SCN1A: variants seen among roughly 807,000 people sequenced by gnomAD.
The protein encoded by SCN1A is sodium voltage-gated channel alpha subunit 1, also known as sodium channel protein type 1 subunit alpha.
In SCN1A, 13 loss-of-function variants were observed where a neutral mutation model predicts 193.7. That is an observed-to-expected ratio of 0.07 (90% CI 0.04 to 0.11). The LOEUF is 0.11. Ranked by LOEUF, SCN1A falls within the 10% of genes least tolerant of loss-of-function variation. SCN1A has a pLI of 1.00. For missense variants in SCN1A, 1,432 were observed against 2,451.1 expected (o/e 0.58, Z 8.78); for synonymous variants, 781 against 843.6 (o/e 0.93, Z 1.29).
intron 19 of SCN1A, among the ~76,000 whole-genome samples, chr2:166,021,959 A>G (rs1177647701): frequency 2.0e-5 from 3 of 152,154 alleles, no homozygotes; most frequent in African/African-American, 7.2e-5. Flanking sequence ...AAAGATTGGA[A>G]AACTCCCTAT....
chr2:166,020,305 C>G (rs1292038986), intron 19 of SCN1A, among the ~76,000 whole-genome samples: 1 of 152,164 alleles, frequency 6.6e-6, no homozygotes, highest in Non-Finnish European at 1.5e-5. Flanking sequence ...ATTTAAACCC[C>G]TTTCAACACT....
chr2:165,995,451 G>A (rs1689897596), intron 27 of SCN1A, among the ~76,000 whole-genome samples: 1 of 151,692 alleles, frequency 6.6e-6, no homozygotes, highest in African/African-American at 2.4e-5. Context: ...ATCATAAACT[G>A]TAATTACTGA....
intron 2 of SCN1A, among the ~76,000 whole-genome samples, chr2:166,108,539 C>A (rs1234890810): frequency 6.6e-6 from 1 of 151,848 alleles, no homozygotes; most frequent in Non-Finnish European, 1.5e-5. Context: ...AACAATAGCC[C>A]AAAAGTGGAA....
intron 1 of SCN1A, among the ~76,000 whole-genome samples, chr2:166,139,408 C>T (rs564855398): frequency 9.2e-5 from 14 of 152,218 alleles, no homozygotes; most frequent in Admixed American, 1.3e-4. Context: ...GTGCTGTTCT[C>T]ATGATAGTGA....
rs575368466 is a variant in SCN1A, at chr2:165,994,211, C to T, written c.4787G>A (p.Arg1596His). Residue 1596 changes from arginine to histidine, a missense_variant, in exon 28 of 29, where the codon CGC becomes CAC. Around this residue, in one of 18 missense-constraint regions of SCN1A, gnomAD observed 85 missense variants for 213.2 expected, o/e 0.40. Coordinates refer to ENST00000674923, the MANE Select transcript of SCN1A (RefSeq NM_001165963.4). Reference protein sequence around the residue: ...GECVLKLISLRHYYFTIGWNI... With the variant: ...GECVLKLISLHHYYFTIGWNI... ...CCATCCAATGGTAAAATAATAATGGCGTAGAGAGATGAGTTTCAGTACACA... is the reference window on the plus strand; with the variant it reads ...CCATCCAATGGTAAAATAATAATGGTGTAGAGAGATGAGTTTCAGTACACA... The T allele has an allele frequency of 6.2e-7, 1 of 1,612,440 alleles. No homozygotes were observed. The highest frequency in any genetic ancestry group is 1.3e-5 in the African/African-American group (1 of 74,916).
chr2:166,087,165 G>GAA (rs535216262), intron 2 of SCN1A, among the ~76,000 whole-genome samples: 6 of 124,690 alleles, frequency 4.8e-5, no homozygotes, highest in Non-Finnish European at 5.1e-5. Context: ...AGAACTGGTT[G>GAA]AAAAAAAAAA....
intron 2 of SCN1A, among the ~76,000 whole-genome samples, chr2:166,112,291 G>A (rs1689377298): frequency 6.6e-6 from 1 of 152,128 alleles, no homozygotes. Context: ...ACATCAAAGC[G>A]AGACTCTCCA....
chr2:166,037,894 A>G lies in SCN1A; in HGVS notation c.2828T>C (p.Ile943Thr). ...CTCCCCACACAGCACGCGGAACACAATCAGGAAGGAGTGGAAGAAGTCATT... is the reference window on the plus strand; with the variant it reads ...CTCCCCACACAGCACGCGGAACACAGTCAGGAAGGAGTGGAAGAAGTCATT... Reference protein sequence around the residue: ...HMNDFFHSFLIVFRVLCGEWI... With the variant: ...HMNDFFHSFLTVFRVLCGEWI... The change falls in exon 18 of 29, where the codon ATT (isoleucine) becomes ACT (threonine). Residue 943 changes from isoleucine (I) to threonine (T), a missense_variant. Physicochemically the swap from Ile to Thr is moderately conservative, Grantham distance 89 (BLOSUM62 -1). Transcript: ENST00000674923. The G allele has an allele frequency of 6.2e-7, 1 of 1,614,156 alleles. No homozygotes were observed. The highest frequency in any genetic ancestry group is 8.5e-7 in the Non-Finnish European group (1 of 1,180,018).
At chr2:166,110,956 A>T (rs146591049) in intron 2 of SCN1A, among the ~76,000 whole-genome samples, 9 of 152,212 alleles carry the variant, frequency 5.9e-5, no homozygotes, top group Middle Eastern at 3.4e-3. Flanking sequence ...CTCCTCCTTC[A>T]TCTTCCACCA....
At chr2:166,074,307 T>C (rs1302831599) in intron 3 of SCN1A, among the ~76,000 whole-genome samples, 2 of 152,138 alleles carry the variant, frequency 1.3e-5, no homozygotes, top group African/African-American at 4.8e-5. Context: ...TGGACAAATG[T>C]CATTTATGTG....
intron 1 of SCN1A, 48 bp downstream of exon 1, chr2:166,127,723 C>T (rs1401268290): frequency 6.6e-6 from 1 of 152,090 alleles, no homozygotes; most frequent in Non-Finnish European, 1.5e-5. Flanking sequence ...AAAGGAATAA[C>T]TGGAATGAAT....
rs530521574 is a variant in SCN1A at position 166,015,807 on chromosome 2, G to T, written c.3430-80C>A. 55 of 1,515,534 alleles carry T rather than the reference G, an allele frequency of 3.6e-5. No individual in the cohort carries two copies. The African/African-American group carries it at 6.6e-4, about 18-fold the overall frequency. 93.9% of individuals were successfully genotyped at this position (1,515,534 alleles called of 1,614,324 possible). On this transcript the variant is annotated intron_variant, in intron 19 of 28. Transcript: ENST00000674923. ...CCTGCCAAGAAAGGATTATTACTAT[G>T]AATTTGTTTTTTATTCTTCTTGAGG...
At chr2:166,048,431 C>T (rs1460616748) in intron 10 of SCN1A, among the ~76,000 whole-genome samples, 1 of 152,122 alleles carries the variant, frequency 6.6e-6, no homozygotes, top group Non-Finnish European at 1.5e-5. Context: ...TTAGCTCCCA[C>T]TTATAAGTGA....
chr2:166,060,240 A>C (rs776146913), intron 4 of SCN1A: 5 of 152,176 alleles, frequency 3.3e-5, no homozygotes, highest in Non-Finnish European at 7.3e-5. Context: ...AAACAGATAG[A>C]GCTTTACCAC....
intron 2 of SCN1A, among the ~76,000 whole-genome samples, chr2:166,105,465 T>C (rs1359358008): frequency 6.6e-6 from 1 of 152,240 alleles, no homozygotes; most frequent in Admixed American, 6.5e-5. Flanking sequence ...ATTGTAGTTA[T>C]GCTTCAGTGA....
intron 2 of SCN1A, among the ~76,000 whole-genome samples, chr2:166,125,973 A>G (rs1424478468): frequency 1.3e-5 from 2 of 152,186 alleles, no homozygotes; most frequent in Non-Finnish European, 2.9e-5. Flanking sequence ...CTGGCCTCCT[A>G]TATAGATATT....
intron 17 of SCN1A, 119 bp downstream of exon 17, chr2:166,039,304 G>C: frequency 9.8e-7 from 1 of 1,015,906 alleles, no homozygotes; most frequent in Non-Finnish European, 1.5e-6. Flanking sequence ...CAATGCAAAT[G>C]TTACAGAAAA....
rs1288556770 is a variant in SCN1A, at chr2:166,042,443, A to C, written c.2044-19T>G. ...TTGTTCCCTGTAAAAAAAAATGCTA[A>C]TGCATTAAACAATTAATTTGAGCAA... On this transcript the variant is annotated intron_variant, in intron 14 of 28. Transcript: ENST00000674923. The C allele has an allele frequency of 6.2e-7, 1 of 1,612,500 alleles. No homozygotes were observed. Among genetic ancestry groups the C allele is most frequent in the Admixed American group, 1.7e-5 (1 of 60,014 alleles).
At chr2:166,038,951 G>T (rs1055502471) in intron 17 of SCN1A, among the ~76,000 whole-genome samples, 13 of 152,108 alleles carry the variant, frequency 8.5e-5, no homozygotes, top group African/African-American at 2.7e-4. Flanking sequence ...GAATTAATGG[G>T]CATGCTTAGT....
Sources: gnomAD v4.1 joint callset for allele counts (sites outside exome capture counted in the v4.1 genomes callset) on GRCh38, gnomAD v4.1.1 for gene constraint, gnomAD v4.1.1 regional missense constraint, MANE v1.5 for transcripts, NCBI Gene and HGNC (gene_info 2026-07-23, HGNC 2026-07-21) for gene names.